MED12L: variants seen among roughly 807,000 people sequenced by gnomAD.
MED12L encodes the protein mediator complex subunit 12L.
MED12L carries 60 observed loss-of-function variants against 281.3 expected under a neutral mutation model. That is an observed-to-expected ratio of 0.21 (90% CI 0.17 to 0.26). The LOEUF (loss-of-function observed/expected upper bound fraction) is 0.26. MED12L is among the 10% of genes least tolerant of loss of function. MED12L has a pLI of 1.00. For synonymous variants in MED12L, 974 were observed against 987.2 expected (o/e 0.99, Z 0.25); for missense variants, 2,146 against 2,680.9 (o/e 0.80, Z 4.41).
rs1276066975 is a variant in MED12L, at chr3:151,244,696, C to T, written c.2250+51030C>T. Among the ~76,000 whole-genome samples the T allele has an allele frequency of 2.5e-3, 380 of 151,052 alleles. 2 individuals are homozygous for T. Among genetic ancestry groups the T allele is most frequent in the Non-Finnish European group, 3.8e-3 (256 of 67,678 alleles). Reference sequence around the variant, plus strand: ...ATCCAAAATTGACACCCTAACATCACAATTAAAAGAACTAGAAAAGCAAGA... The same window carrying T: ...ATCCAAAATTGACACCCTAACATCATAATTAAAAGAACTAGAAAAGCAAGA... On this transcript the variant is annotated intron_variant, in intron 16 of 44. Transcript: ENST00000687756.
intron 16 of MED12L, among the ~76,000 whole-genome samples, chr3:151,218,841 T>A (rs1474578468): frequency 1.7e-5 from 2 of 115,586 alleles, no homozygotes; most frequent in Non-Finnish European, 3.3e-5. Context: ...CACTCCAGCC[T>A]GGGTGACAGA....
chr3:151,297,019 C>G (rs1014008936), intron 16 of MED12L, among the ~76,000 whole-genome samples: 16 of 152,064 alleles, frequency 1.1e-4, no homozygotes, highest in African/African-American at 1.9e-4. Flanking sequence ...CAGGCTCTTC[C>G]TAATTCTTTC....
At chr3:151,394,268 A>G (rs891550446) in intron 38 of MED12L, among the ~76,000 whole-genome samples, 5 of 152,242 alleles carry the variant, frequency 3.3e-5, no homozygotes, top group African/African-American at 1.2e-4. Context: ...AAAAGGATTT[A>G]TATGAATGGC....
intron 16 of MED12L, among the ~76,000 whole-genome samples, chr3:151,237,783 A>T (rs994669196): frequency 1.7e-4 from 26 of 152,158 alleles, no homozygotes; most frequent in Admixed American, 4.6e-4. Context: ...AAATGTTATT[A>T]TATTGTAGTC....
chr3:151,280,779 C>G (rs1375867104), intron 16 of MED12L, among the ~76,000 whole-genome samples: 3 of 151,676 alleles, frequency 2.0e-5, no homozygotes, highest in Non-Finnish European at 4.4e-5. Context: ...TACTCGTACA[C>G]TCGATTGAAG....
chr3:151,390,169 T>A, intron 38 of MED12L, 34 bp downstream of exon 38: 1 of 1,605,216 alleles, frequency 6.2e-7, no homozygotes, highest in African/African-American at 1.3e-5. Flanking sequence ...CACTCAGAGA[T>A]GAGAAACAGC....
At chr3:151,140,120 A>C (rs547541720) in intron 5 of MED12L, among the ~76,000 whole-genome samples, 1 of 152,240 alleles carries the variant, frequency 6.6e-6, no homozygotes, top group South Asian at 2.1e-4. Flanking sequence ...TAAGCTAACT[A>C]CTTGCTTTTT....
intron 16 of MED12L, chr3:151,294,806 A>G (rs893449060): frequency 6.2e-6 from 10 of 1,614,044 alleles, no homozygotes; most frequent in Non-Finnish European, 5.9e-6. Context: ...AGAGTCCCCA[A>G]ATGGCTTGAC....
intron 5 of MED12L, among the ~76,000 whole-genome samples, chr3:151,137,458 T>C (rs1427288030): frequency 6.6e-6 from 1 of 152,164 alleles, no homozygotes; most frequent in Admixed American, 6.5e-5. Flanking sequence ...ACTCTGCTTC[T>C]TTCTAGTGGG....
At chr3:151,400,315 A>G (rs186457961) in intron 39 of MED12L, among the ~76,000 whole-genome samples, 4 of 152,328 alleles carry the variant, frequency 2.6e-5, no homozygotes, top group African/African-American at 9.6e-5. Flanking sequence ...CATATTTTCA[A>G]GAGTCCAAAG....
rs112399998 is a variant in MED12L, at chr3:151,301,397, C to G, written c.2251-48662C>G. ...TCTGTTCTCAAGTTGTATGGTTGTCCTCTTCAGATGGCTTCCTGTAACCTT... is the reference window on the plus strand; with the variant it reads ...TCTGTTCTCAAGTTGTATGGTTGTCGTCTTCAGATGGCTTCCTGTAACCTT... On this transcript the variant is annotated intron_variant, in intron 16 of 44. Coordinates refer to ENST00000687756, the MANE Select transcript of MED12L (RefSeq NM_001393769.1). 2.9e-3 allele frequency among the ~76,000 whole-genome samples: 434 copies of G among 152,214 alleles called. 2 individuals carry two copies. The highest frequency in any genetic ancestry group is 1.0e-2 in the African/African-American group (414 of 41,510).
intron 25 of MED12L, among the ~76,000 whole-genome samples, chr3:151,368,978 G>A (rs1354994055): frequency 6.6e-6 from 1 of 151,832 alleles, no homozygotes; most frequent in Non-Finnish European, 1.5e-5. Flanking sequence ...GGCCAGACTG[G>A]TCTTGAACTC....
intron 16 of MED12L, chr3:151,328,940 T>G: frequency 6.2e-7 from 1 of 1,613,792 alleles, no homozygotes; most frequent in Non-Finnish European, 8.5e-7. Context: ...TATCCGAGTG[T>G]CTCTGGGGCA....
intron 11 of MED12L, among the ~76,000 whole-genome samples, chr3:151,172,206 T>A (rs1476265004): frequency 6.6e-6 from 1 of 152,208 alleles, no homozygotes; most frequent in African/African-American, 2.4e-5. Context: ...TTTAGGGACA[T>A]TGGACAATTC....
In MED12L at chr3:151,149,668, A is replaced by G. The variant is rs58437276; in HGVS notation, c.557-6493A>G. Among the ~76,000 whole-genome samples, 591 of 152,304 alleles carry G rather than the reference A, an allele frequency of 3.9e-3. 3 individuals are homozygous for G. Among genetic ancestry groups the G allele is most frequent in the African/African-American group, 0.014 (571 of 41,560 alleles). ...ACTCTTCATTTTATGAAAGAATTCT[A>G]TGTAGCATGTGATGCTGTTTGGTAA... On this transcript the variant is annotated intron_variant, in intron 5 of 44. Transcript: ENST00000687756.
chr3:151,263,552 C>A (rs779769395), intron 16 of MED12L, among the ~76,000 whole-genome samples: 7 of 152,102 alleles, frequency 4.6e-5, no homozygotes, highest in Non-Finnish European at 8.8e-5. Flanking sequence ...ATGAGCTTTA[C>A]GTGTTTTATC....
intron 16 of MED12L, among the ~76,000 whole-genome samples, chr3:151,193,904 C>T (rs1724293763): frequency 6.6e-6 from 1 of 151,216 alleles, no homozygotes; most frequent in African/African-American, 2.4e-5. Flanking sequence ...ATGTTAGTAT[C>T]CTTTTATTAA....
At chr3:151,320,693 T>C (rs1449323610) in intron 16 of MED12L, among the ~76,000 whole-genome samples, 1 of 152,210 alleles carries the variant, frequency 6.6e-6, no homozygotes, top group Non-Finnish European at 1.5e-5. Context: ...AGATTGAGTC[T>C]GGAGATAAGG....
chr3:151,166,764 C>T (rs1443573148), intron 11 of MED12L, among the ~76,000 whole-genome samples: 1 of 151,950 alleles, frequency 6.6e-6, no homozygotes, highest in Non-Finnish European at 1.5e-5. Flanking sequence ...CAACCTCTGC[C>T]TCCTGGGTTC....
Sources: allele counts gnomAD v4.1 joint callset (sites outside exome capture counted in the v4.1 genomes callset), GRCh38; gene constraint gnomAD v4.1.1; transcripts MANE v1.5; gene names NCBI Gene and HGNC (gene_info 2026-07-23, HGNC 2026-07-21).